ERCC5: variants seen among roughly 807,000 people sequenced by gnomAD.
ERCC5 encodes the protein DNA excision repair protein ERCC-5.
In ERCC5, 68 loss-of-function variants were observed where a neutral mutation model predicts 105.6. That is an observed-to-expected ratio of 0.64 (90% CI 0.53 to 0.79). The LOEUF (loss-of-function observed/expected upper bound fraction) is 0.79, where lower values mean the gene tolerates loss of function less well. ERCC5 is among the 30% of genes least tolerant of loss of function. The pLI is 0.00. For synonymous variants in ERCC5, 546 were observed against 526.2 expected (o/e 1.04, Z -0.51); for missense variants, 1,373 against 1,426.7 (o/e 0.96, Z 0.61).
intron 14 of ERCC5, 52 bp from the exon 15 acceptor site, chr13:102,875,255 A>G: frequency 6.3e-7 from 1 of 1,584,334 alleles, no homozygotes; most frequent in Non-Finnish European, 8.6e-7. Flanking sequence ...TGGTTTAGAA[A>G]CTTGACTTAC....
intron 6 of ERCC5, 54 bp downstream of exon 6, chr13:102,858,472 T>G (rs1416712783): frequency 6.2e-7 from 1 of 1,612,740 alleles, no homozygotes; most frequent in Non-Finnish European, 8.5e-7. Flanking sequence ...CAGCAAAACT[T>G]TTTATTAGAA....
intron 10 of ERCC5, 69 bp from the exon 11 acceptor site, chr13:102,866,563 T>C: frequency 6.2e-7 from 1 of 1,602,238 alleles, no homozygotes; most frequent in East Asian, 2.2e-5. Flanking sequence ...TGGTAGGCAC[T>C]GCTCCCCCTG....
intron 4 of ERCC5, among the ~76,000 whole-genome samples, chr13:102,854,699 G>A (rs4150273): frequency 1 from 151,926 of 152,344 alleles, 75,755 homozygotes; most frequent in Middle Eastern, 1. Context: ...TTTCAATCCA[G>A]TATGGTCTCT....
chr13:102,872,321 G>A lies in ERCC5; in HGVS notation c.2802G>A (p.Glu934=), dbSNP rs1883062009. ...TPGFPNPAVA[E]AYLKPVVDDS... ...GCTTTCCTAACCCAGCTGTTGCCGA[G>A]GCCTACCTCAAACCCGTGGTGGATG... Residue 934 remains glutamate, a synonymous_variant, in exon 13 of 15, where the codon GAG becomes GAA. Coordinates refer to ENST00000652225, the MANE Select transcript of ERCC5 (RefSeq NM_000123.4). 1 of 1,614,108 alleles carries A rather than the reference G, an allele frequency of 6.2e-7. No homozygotes were observed. The highest frequency in any genetic ancestry group is 8.5e-7 in the Non-Finnish European group (1 of 1,180,016).
rs915032960 is a variant in ERCC5, at chr13:102,854,360, G to A, written c.453G>A (p.Glu151=). ...TCTATGTTTTGCCTCCTTTACAAGAGGAAGAAAAACACAGGTAAATGTTTA... is the reference window on the plus strand; with the variant it reads ...TCTATGTTTTGCCTCCTTTACAAGAAGAAGAAAAACACAGGTAAATGTTTA... ...NDLYVLPPLQ[E]EEKHSSEEED... The change falls in exon 4 of 15, where the codon GAG becomes GAA. Residue 151 remains glutamate (E), a synonymous_variant. Transcript: ENST00000652225. 3.7e-6 allele frequency: 6 copies of A among 1,613,942 alleles called. No homozygotes were observed. The Admixed American group carries it at 8.3e-5, about 22-fold the overall frequency.
Position 102,862,791 on chromosome 13 carries a change from G to A in ERCC5, c.1642G>A (p.Glu548Lys), listed in dbSNP as rs770246574. 1 of 1,614,210 alleles carries A rather than the reference G, an allele frequency of 6.2e-7. No homozygotes were observed. The highest frequency in any genetic ancestry group is 8.5e-7 in the Non-Finnish European group (1 of 1,180,044). Residue 548 changes from glutamate to lysine, a missense_variant, in exon 8 of 15, where the codon GAA (glutamate) becomes AAA (lysine). Coordinates refer to ENST00000652225, the MANE Select transcript of ERCC5 (RefSeq NM_000123.4). ...TGCTGAAGTGCTTGAGCAGCAGAAC[G>A]AACTTTGCCCATATGAGAGTAAATT... ...THAEVLEQQN[E>K]LCPYESKFDS...
intron 12 of ERCC5, among the ~76,000 whole-genome samples, chr13:102,870,652 G>A (rs547268818): frequency 6.6e-6 from 1 of 152,298 alleles, no homozygotes; most frequent in South Asian, 2.1e-4. Context: ...TGCACTCCTG[G>A]AAAGAATGTT....
At chr13:102,863,167 G>A in intron 8 of ERCC5, 64 bp downstream of exon 8, 1 of 1,565,994 alleles carries the variant, frequency 6.4e-7, no homozygotes, top group Non-Finnish European at 8.7e-7. Flanking sequence ...GGAATTCAGA[G>A]ATCGGTTAGT....
At chr13:102,851,734 A>G (rs1882213662) in intron 1 of ERCC5, among the ~76,000 whole-genome samples, 1 of 152,242 alleles carries the variant, frequency 6.6e-6, no homozygotes, top group African/African-American at 2.4e-5. Flanking sequence ...GGAAGTGGTA[A>G]AATAGACTGC....
In ERCC5 at chr13:102,862,649, G is replaced by A. The variant is rs1882677687; in HGVS notation, c.1500G>A (p.Arg500=). 2.5e-6 allele frequency: 4 copies of A among 1,614,164 alleles called. No homozygotes were observed. In the African/African-American group the frequency reaches 4.0e-5, roughly 16 times the overall value. ...DESMIKDRKD[R]LPLESAVVRH... is the part of the protein sequence containing the mutation. The stretch of plus-strand genomic sequence containing the variant: ...CTATGATTAAGGACAGAAAAGATCG[G>A]CTGCCTCTGGAGAGTGCAGTGGTTA... Residue 500 remains arginine (R), a synonymous_variant, in exon 8 of 15, where the codon CGG becomes CGA. Coordinates refer to ENST00000652225, the MANE Select transcript of ERCC5 (RefSeq NM_000123.4).
chr13:102,869,056 T>G (rs1198719167), intron 12 of ERCC5, among the ~76,000 whole-genome samples: 1 of 152,200 alleles, frequency 6.6e-6, no homozygotes, highest in Admixed American at 6.5e-5. Flanking sequence ...AGATGCTGTT[T>G]GGTGGTGGCT....
intron 5 of ERCC5, among the ~76,000 whole-genome samples, chr13:102,856,829 A>T (rs4150290): frequency 0.58 from 88,704 of 152,024 alleles, 26,648 homozygotes; most frequent in African/African-American, 0.66. Flanking sequence ...TGGCCTGGGC[A>T]TTTTCCCAGC....
intron 11 of ERCC5, 128 bp downstream of exon 11, chr13:102,866,973 T>A (rs1356794405): frequency 2.1e-6 from 2 of 961,748 alleles, no homozygotes; most frequent in Non-Finnish European, 3.1e-6. Context: ...AATTTTTATA[T>A]GAGTGATCTT....
chr13:102,863,293 C>T (rs1175240351), intron 8 of ERCC5, among the ~76,000 whole-genome samples, 190 bp downstream of exon 8: 3 of 152,182 alleles, frequency 2.0e-5, no homozygotes, highest in Non-Finnish European at 4.4e-5. Flanking sequence ...CTGTGTTGCT[C>T]TGCTTTTTGT....
intron 1 of ERCC5, among the ~76,000 whole-genome samples, chr13:102,847,297 A>ATTTTTTTTTTT (rs35223521): frequency 2.2e-5 from 3 of 139,446 alleles, no homozygotes; most frequent in African/African-American, 2.6e-5. Context: ...TTATGTAGTC[A>ATTTTTTTTTTT]TTTTTTTTTT....
At position 102,866,978 on chromosome 13, in the gene ERCC5, G is replaced by C. The variant is rs868452403; in HGVS notation, c.2533+133G>C. The C allele has an allele frequency of 1.1e-5, 10 of 913,002 alleles. No individual in the cohort carries two copies. In the South Asian group the frequency reaches 1.6e-4, roughly 15 times the overall value. The allele number at this position is 913,002 out of a possible 1,614,324, so 56.6% of individuals were successfully genotyped here. A position where few individuals can be genotyped will look rare whatever the true frequency, so the allele number is the denominator to read the frequency against. ...GGTCTATGCAAATTTTTATATGAGT[G>C]ATCTTTGGCTTATATAGAGGAATAG... On this transcript the variant is annotated intron_variant, in intron 11 of 14. Coordinates refer to ENST00000652225, the MANE Select transcript of ERCC5 (RefSeq NM_000123.4).
chr13:102,872,482 AT>A, intron 13 of ERCC5, 84 bp downstream of exon 13: 2 of 1,529,290 alleles, frequency 1.3e-6, no homozygotes, highest in South Asian at 1.2e-5. Context: ...AACTTGGATC[AT>A]TTTTTTCTTA....
chr13:102,861,082 C>T (rs936149325), intron 6 of ERCC5, among the ~76,000 whole-genome samples: 4 of 151,314 alleles, frequency 2.6e-5, no homozygotes, highest in African/African-American at 7.3e-5. Flanking sequence ...TCTGCCTCCC[C>T]GGTTCAAGTG....
At chr13:102,850,469 A>G (rs144570966) in intron 1 of ERCC5, among the ~76,000 whole-genome samples, 174 of 152,334 alleles carry the variant, frequency 1.1e-3, no homozygotes, top group Non-Finnish European at 2.2e-3. Context: ...AAGGCTTCCT[A>G]GACCAGGAGA....
Sources: allele counts gnomAD v4.1 joint callset (sites outside exome capture counted in the v4.1 genomes callset), GRCh38; gene constraint gnomAD v4.1.1; transcripts MANE v1.5; gene names NCBI Gene and HGNC (gene_info 2026-07-23, HGNC 2026-07-21).